RGS7: variants seen among roughly 807,000 people sequenced by gnomAD.
RGS7 encodes the protein regulator of G-protein signaling 7.
Under a neutral mutation model 81.1 loss-of-function variants are expected in RGS7, and 27 were observed. The ratio of observed to expected loss-of-function variants is 0.33; its 90% CI spans 0.25 to 0.46. RGS7 has a LOEUF of 0.46. RGS7 is among the 20% of genes least tolerant of loss of function. RGS7 has a pLI of 1.00. For synonymous variants in RGS7, 208 were observed against 207.7 expected (o/e 1.00, Z -0.01); for missense variants, 396 against 607.4 (o/e 0.65, Z 3.66).
intron 2 of RGS7, among the ~76,000 whole-genome samples, chr1:241,274,339 T>C (rs914676781): frequency 6.6e-6 from 1 of 152,268 alleles, no homozygotes; most frequent in Non-Finnish European, 1.5e-5. Context: ...TAATTGGTAG[T>C]ATTAACCAGA....
intron 2 of RGS7, among the ~76,000 whole-genome samples, chr1:241,143,257 C>T (rs986546389): frequency 6.6e-6 from 1 of 152,198 alleles, no homozygotes; most frequent in Non-Finnish European, 1.5e-5. Flanking sequence ...AAAGTCATTT[C>T]CACATGTTTG....
At chr1:241,105,272 T>C (rs2065026684) in intron 2 of RGS7, among the ~76,000 whole-genome samples, 3 of 152,224 alleles carry the variant, frequency 2.0e-5, no homozygotes, top group Admixed American at 2.0e-4. Flanking sequence ...GAGGCTGTCT[T>C]CTTGCTTGTA....
At chr1:241,201,321 G>C (rs149580010) in intron 2 of RGS7, among the ~76,000 whole-genome samples, 2 of 152,250 alleles carry the variant, frequency 1.3e-5, no homozygotes, top group East Asian at 3.9e-4. Context: ...AGGTGTGTCA[G>C]ATCATGAAAA....
chr1:240,920,214 G>A, intron 6 of RGS7: 2 of 1,147,056 alleles, frequency 1.7e-6, no homozygotes, highest in South Asian at 1.2e-5. Flanking sequence ...GATAGCTAGT[G>A]CTTCATGCAG....
At chr1:241,305,020 A>G (rs1305884514) in intron 2 of RGS7, among the ~76,000 whole-genome samples, 2 of 152,220 alleles carry the variant, frequency 1.3e-5, no homozygotes, top group South Asian at 2.1e-4. Flanking sequence ...TTCAGCTACT[A>G]TATTATTTCA....
chr1:241,192,345 T>C (rs554985762), intron 2 of RGS7, among the ~76,000 whole-genome samples: 2 of 152,164 alleles, frequency 1.3e-5, no homozygotes, highest in East Asian at 3.9e-4. Flanking sequence ...CCTGTCCGCA[T>C]TTCCAGGATT....
rs565707710 is a variant in RGS7, at chr1:241,040,488, TTTATTTATTTAC to T, written c.176-57371_176-57360del. The stretch of plus-strand genomic sequence containing the variant: ...CACTTTTTACTTTTCTTTTTATTTA[TTTATTTATTTAC>T]TTATTTATTTATTTATTTAAGACTG... On this transcript the variant is annotated intron_variant, in intron 3 of 18. Coordinates refer to ENST00000440928, the MANE Select transcript of RGS7 (RefSeq NM_001364886.1). Among the ~76,000 whole-genome samples the T allele has an allele frequency of 3.2e-4, 49 of 151,738 alleles. 2 individuals are homozygous for T. The South Asian group carries it at 5.2e-3, about 16-fold the overall frequency.
At chr1:241,103,330 T>C (rs1304625760) in intron 2 of RGS7, among the ~76,000 whole-genome samples, 1 of 152,180 alleles carries the variant, frequency 6.6e-6, no homozygotes, top group African/African-American at 2.4e-5. Context: ...AAACTGGGCA[T>C]GGGAGAAGAG....
chr1:241,328,245 C>A (rs1179233912), intron 2 of RGS7, among the ~76,000 whole-genome samples: 3 of 152,176 alleles, frequency 2.0e-5, no homozygotes, highest in Non-Finnish European at 4.4e-5. Context: ...GGAGTCAGGG[C>A]TTTGCCACTG....
In RGS7 at chr1:241,219,247, C is replaced by T. The variant is rs116067194; in HGVS notation, c.79-120485G>A. 5.3e-3 allele frequency among the ~76,000 whole-genome samples: 812 copies of T among 152,172 alleles called. 6 individuals carry two copies. The highest frequency in any genetic ancestry group is 0.019 in the African/African-American group (779 of 41,508). ...ACTGAATCATGAGGGCAAGTTTTTC[C>T]CATGCTGTTCCTGTGGTAGTGAATA... On this transcript the variant is annotated intron_variant, in intron 2 of 18. Transcript: ENST00000440928.
chr1:240,868,552 G>A lies in RGS7; in HGVS notation c.609+35C>T, dbSNP rs1408924208. The A allele has an allele frequency of 1.9e-6, 3 of 1,597,850 alleles. No individual in the cohort carries two copies. The highest frequency in any genetic ancestry group is 3.3e-5 in the Admixed American group (2 of 59,998). Reference sequence around the variant, plus strand: ...CCCCTCACTTCCCACAGACGGAGAAGATGGATTCAAGACGAGAGTGCGACG... The same window carrying A: ...CCCCTCACTTCCCACAGACGGAGAAAATGGATTCAAGACGAGAGTGCGACG... On this transcript the variant is annotated intron_variant, in intron 9 of 18. Coordinates refer to ENST00000440928, the MANE Select transcript of RGS7 (RefSeq NM_001364886.1). This position sits in a 1 kb window ranked among gnomAD's most constrained non-coding sequence, Gnocchi z 5.1.
At chr1:240,980,890 T>C (rs2148549416) in intron 4 of RGS7, among the ~76,000 whole-genome samples, 1 of 152,344 alleles carries the variant, frequency 6.6e-6, no homozygotes. Flanking sequence ...CTGGATACAT[T>C]TGACTTCATC....
chr1:241,046,678 G>A (rs1431973841), intron 3 of RGS7, among the ~76,000 whole-genome samples: 1 of 152,130 alleles, frequency 6.6e-6, no homozygotes. Context: ...TCATGGGCAG[G>A]AAAACACCCT....
At chr1:240,963,153 T>C (rs1296497197) in intron 4 of RGS7, among the ~76,000 whole-genome samples, 1 of 151,460 alleles carries the variant, frequency 6.6e-6, no homozygotes, top group East Asian at 1.9e-4. Context: ...ATAGTGGGAG[T>C]AGAGAGAGGT....
At chr1:241,086,850 T>A (rs1413384430) in intron 3 of RGS7, among the ~76,000 whole-genome samples, 1 of 152,126 alleles carries the variant, frequency 6.6e-6, no homozygotes, top group Non-Finnish European at 1.5e-5. Context: ...CGCCAGACCC[T>A]TTCACACCTT....
chr1:241,229,121 G>A (rs2075497704), intron 2 of RGS7, among the ~76,000 whole-genome samples: 1 of 151,140 alleles, frequency 6.6e-6, no homozygotes, highest in South Asian at 2.1e-4. Context: ...AAACAAATTT[G>A]GAAAATGCAA....
At chr1:241,348,507 CAG>C (rs1439110860) in intron 2 of RGS7, among the ~76,000 whole-genome samples, 1 of 152,148 alleles carries the variant, frequency 6.6e-6, no homozygotes, top group Non-Finnish European at 1.5e-5. Flanking sequence ...GATTTATTGA[CAG>C]AGAAAGAAAG....
chr1:241,156,169 G>GATAGATAGATAGATAGATACATACATAC (rs1475820224), intron 2 of RGS7, among the ~76,000 whole-genome samples: 1 of 142,752 alleles, frequency 7.0e-6, no homozygotes, highest in African/African-American at 2.5e-5. Flanking sequence ...TAGATAGATA[G>GATAGATAGATAGATAGATACATACATAC]ATACATATAC....
intron 2 of RGS7, among the ~76,000 whole-genome samples, chr1:241,261,486 C>T (rs1294727892): frequency 4.0e-5 from 6 of 151,634 alleles, no homozygotes; most frequent in South Asian, 2.1e-4. Flanking sequence ...AAAATTAGCC[C>T]GGTGTGGTGG....
Sources: allele counts gnomAD v4.1 joint callset (sites outside exome capture counted in the v4.1 genomes callset), GRCh38; gene constraint gnomAD v4.1.1; non-coding constraint Gnocchi (gnomAD v3.1); transcripts MANE v1.5; gene names NCBI Gene and HGNC (gene_info 2026-07-23, HGNC 2026-07-21).